The following PTPRR variants were observed in gnomAD, a reference collection of about 807,000 sequenced individuals.
The protein encoded by PTPRR is receptor-type tyrosine-protein phosphatase R.
A neutral mutation model predicts 77.2 loss-of-function variants in PTPRR; 38 were observed. That is an observed-to-expected ratio of 0.49 (90% confidence interval 0.38 to 0.65). The LOEUF is 0.65. PTPRR is among the 30% of genes least tolerant of loss of function. PTPRR has a pLI of 0.00. For synonymous variants in PTPRR, 299 were observed against 283.1 expected (o/e 1.06, Z -0.57); for missense variants, 744 against 799.2 (o/e 0.93, Z 0.83).
At chr12:70,895,941 C>T (rs1893420033) in intron 1 of PTPRR, among the ~76,000 whole-genome samples, 1 of 151,672 alleles carries the variant, frequency 6.6e-6, no homozygotes, top group Non-Finnish European at 1.5e-5. Flanking sequence ...TTTTCCCTCT[C>T]TCTCCTATCA....
At chr12:70,795,277 A>G (rs961543373) in intron 2 of PTPRR, among the ~76,000 whole-genome samples, 2 of 152,158 alleles carry the variant, frequency 1.3e-5, no homozygotes, top group Non-Finnish European at 2.9e-5. Context: ...CTATTTCCTA[A>G]GGTGACATTC....
At chr12:70,872,346 T>C (rs777305492) in intron 2 of PTPRR, among the ~76,000 whole-genome samples, 6 of 151,944 alleles carry the variant, frequency 3.9e-5, no homozygotes, top group Non-Finnish European at 7.4e-5. Flanking sequence ...ATATTGCCCA[T>C]ATTAAATGTT....
At chr12:70,755,826 T>C (rs781103232) in intron 4 of PTPRR, among the ~76,000 whole-genome samples, 2 of 152,152 alleles carry the variant, frequency 1.3e-5, no homozygotes, top group Non-Finnish European at 2.9e-5. Flanking sequence ...GCGACAAATT[T>C]TCTTTCACCT....
At chr12:70,900,890 G>A (rs866249852) in intron 1 of PTPRR, among the ~76,000 whole-genome samples, 4 of 151,676 alleles carry the variant, frequency 2.6e-5, no homozygotes, top group Non-Finnish European at 3.0e-5. Context: ...GCCAGGATGG[G>A]AAGAAAGGGG....
chr12:70,771,442 G>A (rs1010504712), intron 2 of PTPRR, among the ~76,000 whole-genome samples: 8 of 152,082 alleles, frequency 5.3e-5, no homozygotes, highest in Non-Finnish European at 7.4e-5. Context: ...AATGTGTGCT[G>A]TGCTCACTGC....
At chr12:70,896,204 C>A (rs939512841) in intron 1 of PTPRR, among the ~76,000 whole-genome samples, 4 of 151,342 alleles carry the variant, frequency 2.6e-5, no homozygotes, top group African/African-American at 9.7e-5. Flanking sequence ...AATATATATG[C>A]ATCAAAAATG....
At chr12:70,789,316 A>G (rs1891384669) in intron 2 of PTPRR, among the ~76,000 whole-genome samples, 1 of 152,118 alleles carries the variant, frequency 6.6e-6, no homozygotes, top group Non-Finnish European at 1.5e-5. Context: ...CATAATAAAC[A>G]TAAATTTCTT....
At chr12:70,690,533 A>G (rs1392919721) in intron 8 of PTPRR, among the ~76,000 whole-genome samples, 1 of 152,194 alleles carries the variant, frequency 6.6e-6, no homozygotes, top group Non-Finnish European at 1.5e-5. Flanking sequence ...GCCCCATAAC[A>G]TTGCCATTAG....
chr12:70,657,490 T>C (rs1452371271), intron 12 of PTPRR, among the ~76,000 whole-genome samples: 1 of 152,192 alleles, frequency 6.6e-6, no homozygotes, highest in Non-Finnish European at 1.5e-5. Context: ...GTCCATAAAA[T>C]CAACCTCACA....
At chr12:70,769,264 T>C (rs1251307960) in intron 2 of PTPRR, among the ~76,000 whole-genome samples, 1 of 150,950 alleles carries the variant, frequency 6.6e-6, no homozygotes, top group African/African-American at 2.5e-5. Flanking sequence ...GAAAACCCCA[T>C]TGTCTCAGCC....
intron 2 of PTPRR, among the ~76,000 whole-genome samples, chr12:70,858,505 T>C (rs1467959679): frequency 6.6e-6 from 1 of 152,056 alleles, no homozygotes. Flanking sequence ...TTTATTCTGA[T>C]CCACCCAAGA....
intron 2 of PTPRR, among the ~76,000 whole-genome samples, chr12:70,852,056 GC>G (rs1177970134): frequency 1.3e-5 from 2 of 152,124 alleles, no homozygotes; most frequent in Non-Finnish European, 2.9e-5. Context: ...AAGACAGAAT[GC>G]CCTGGAAGGA....
intron 2 of PTPRR, among the ~76,000 whole-genome samples, chr12:70,796,108 G>C (rs1891508884): frequency 6.6e-6 from 1 of 151,744 alleles, no homozygotes. Context: ...ATTTTTAGTA[G>C]AGACGGGGTT....
intron 6 of PTPRR, among the ~76,000 whole-genome samples, chr12:70,735,686 G>A (rs1294454315): frequency 3.3e-5 from 5 of 152,186 alleles, no homozygotes; most frequent in Non-Finnish European, 1.5e-5. Context: ...TGTCAAGATT[G>A]TATCTTTGGC....
intron 1 of PTPRR, among the ~76,000 whole-genome samples, chr12:70,902,041 A>G (rs1893544074): frequency 6.6e-6 from 1 of 151,166 alleles, no homozygotes; most frequent in Non-Finnish European, 1.5e-5. Flanking sequence ...AGGTATACAA[A>G]TGGCCAACCA....
intron 6 of PTPRR, among the ~76,000 whole-genome samples, chr12:70,706,455 T>C (rs1032804626): frequency 2.0e-5 from 3 of 151,998 alleles, no homozygotes; most frequent in Middle Eastern, 3.2e-3. Context: ...ATGCCAGGCA[T>C]GAACCCAGGA....
intron 10 of PTPRR, chr12:70,664,395 G>A (rs1886904396): frequency 6.6e-6 from 1 of 152,170 alleles, no homozygotes; most frequent in African/African-American, 2.4e-5. Context: ...GAGCTACTGT[G>A]TATCTTAAAA....
chr12:70,650,303 A>T (rs1168418542), intron 13 of PTPRR, among the ~76,000 whole-genome samples: 1 of 151,766 alleles, frequency 6.6e-6, no homozygotes, highest in Non-Finnish European at 1.5e-5. Context: ...ATTAGCCGGG[A>T]GTAATCCCAG....
At chr12:70,889,718 C>T (rs1355624311) in intron 2 of PTPRR, among the ~76,000 whole-genome samples, 1 of 152,082 alleles carries the variant, frequency 6.6e-6, no homozygotes, top group Non-Finnish European at 1.5e-5. Context: ...GTATCCTCTC[C>T]TCCCTTCTCC....
Sources: allele counts gnomAD v4.1 joint callset (sites outside exome capture counted in the v4.1 genomes callset), GRCh38; gene constraint gnomAD v4.1.1; transcripts MANE v1.5; gene names NCBI Gene and HGNC (gene_info 2026-07-23, HGNC 2026-07-21).